Variants in LDB2 observed in about 807,000 individuals in gnomAD.
LDB2 encodes the protein LIM domain binding 2, also known as LIM domain-binding protein 2.
A neutral mutation model predicts 44.3 loss-of-function variants in LDB2; 12 were observed. The ratio of observed to expected loss-of-function variants is 0.27; its 90% confidence interval spans 0.17 to 0.44. The LOEUF is 0.44. Ranked by LOEUF, LDB2 falls within the 20% of genes least tolerant of loss-of-function variation. The pLI, the probability that LDB2 is intolerant of heterozygous loss-of-function variation, is 1.00. For synonymous variants in LDB2, 164 were observed against 174.8 expected (o/e 0.94, Z 0.49); for missense variants, 344 against 473.5 (o/e 0.73, Z 2.54).
chr4:16,605,599 G>A lies in LDB2; in HGVS notation c.236-9724C>T, dbSNP rs903401560. 2.6e-5 allele frequency among the ~76,000 whole-genome samples: 4 copies of A among 152,206 alleles called. 1 individual carries two copies. The South Asian group carries it at 6.2e-4, about 24-fold the overall frequency. On this transcript the variant is annotated intron_variant, in intron 2 of 7. Coordinates refer to ENST00000304523, the MANE Select transcript of LDB2 (RefSeq NM_001290.5). ...TTATCAAACTCCCTTTTAGCTCAGT[G>A]CTGTCTTATGACAGAGTTGTGGCCA...
Position 16,582,079 on chromosome 4 carries a change from T to C in LDB2, c.615+3843A>G, listed in dbSNP as rs1219755454. Among the ~76,000 whole-genome samples, 2 of 151,860 alleles carry C rather than the reference T, an allele frequency of 1.3e-5. No individual in the cohort carries two copies. Among genetic ancestry groups the C allele is most frequent in the Non-Finnish European group, 2.9e-5 (2 of 67,972 alleles). On this transcript the variant is annotated intron_variant, in intron 5 of 7. Transcript: ENST00000304523. This position sits in a 1 kb window ranked among gnomAD's most constrained non-coding sequence, Gnocchi z 4.8. Reference sequence around the variant, plus strand: ...AGAAAGTAAGTCCCTGCAAAGCATATAGCAGCAATGCCTGGCACATAGTAA... The same window carrying C: ...AGAAAGTAAGTCCCTGCAAAGCATACAGCAGCAATGCCTGGCACATAGTAA...
At chr4:16,828,614 C>T (rs1271744534) in intron 1 of LDB2, among the ~76,000 whole-genome samples, 2 of 152,146 alleles carry the variant, frequency 1.3e-5, no homozygotes, top group African/African-American at 4.8e-5. Flanking sequence ...AGAGTTTGGA[C>T]ACCTATCATG....
chr4:16,790,281 C>T (rs1293917043), intron 1 of LDB2, among the ~76,000 whole-genome samples: 3 of 152,186 alleles, frequency 2.0e-5, no homozygotes, highest in South Asian at 2.1e-4. Flanking sequence ...AAACTCAGGT[C>T]TGCATGCCCT....
intron 1 of LDB2, among the ~76,000 whole-genome samples, chr4:16,848,700 A>G (rs759050417): frequency 2.0e-5 from 3 of 152,204 alleles, no homozygotes; most frequent in Non-Finnish European, 2.9e-5. Context: ...TCAGTAAATA[A>G]TAGCAATATC....
chr4:16,686,688 CA>C (rs1204598009), intron 2 of LDB2, among the ~76,000 whole-genome samples: 1 of 152,186 alleles, frequency 6.6e-6, no homozygotes, highest in African/African-American at 2.4e-5. Context: ...GACATGGTTA[CA>C]GAGCCTAGGA....
chr4:16,692,570 T>TC (rs1751047730), intron 2 of LDB2, among the ~76,000 whole-genome samples: 1 of 152,128 alleles, frequency 6.6e-6, no homozygotes, highest in African/African-American at 2.4e-5. Flanking sequence ...ACTTTTTTTT[T>TC]CCTCTTCTTT....
At chr4:16,586,527 AAACACACAC>A (rs1717004849) in intron 4 of LDB2, among the ~76,000 whole-genome samples, 3 of 67,200 alleles carry the variant, frequency 4.5e-5, no homozygotes, top group East Asian at 4.5e-4. Context: ...CACACACACA[AAACACACAC>A]ACACACACAC....
intron 5 of LDB2, among the ~76,000 whole-genome samples, chr4:16,536,932 T>C (rs1352674126): frequency 6.6e-6 from 1 of 152,236 alleles, no homozygotes; most frequent in Non-Finnish European, 1.5e-5. Flanking sequence ...CAGGATGATG[T>C]AAATGAAGTG....
intron 1 of LDB2, among the ~76,000 whole-genome samples, chr4:16,883,415 G>A (rs749598584): frequency 2.0e-5 from 3 of 152,208 alleles, no homozygotes; most frequent in Non-Finnish European, 2.9e-5. Flanking sequence ...AAGAAGGTAC[G>A]AGAAAGATTC....
At chr4:16,709,617 A>G (rs563925079) in intron 2 of LDB2, among the ~76,000 whole-genome samples, 13 of 152,314 alleles carry the variant, frequency 8.5e-5, no homozygotes, top group African/African-American at 2.9e-4. Flanking sequence ...GGCTTGCAAA[A>G]GTGTTTTGTT....
At chr4:16,794,226 A>G (rs1225932537) in intron 1 of LDB2, among the ~76,000 whole-genome samples, 1 of 151,802 alleles carries the variant, frequency 6.6e-6, no homozygotes, top group Admixed American at 6.6e-5. Flanking sequence ...TTTGGTTTAC[A>G]CCCCCTAAAA....
intron 1 of LDB2, among the ~76,000 whole-genome samples, chr4:16,865,706 G>A (rs1019592597): frequency 5.9e-5 from 9 of 152,194 alleles, no homozygotes; most frequent in Non-Finnish European, 1.2e-4. Flanking sequence ...GCACGTGGCT[G>A]TCTACAGTCA....
At chr4:16,828,469 T>G (rs1188159679) in intron 1 of LDB2, among the ~76,000 whole-genome samples, 1 of 152,196 alleles carries the variant, frequency 6.6e-6, no homozygotes, top group Non-Finnish European at 1.5e-5. Context: ...GCCCATAATC[T>G]GTAACCCCTC....
chr4:16,721,162 T>G (rs1758191886), intron 2 of LDB2, among the ~76,000 whole-genome samples: 1 of 152,228 alleles, frequency 6.6e-6, no homozygotes, highest in South Asian at 2.1e-4. Context: ...ATGCTTGGAC[T>G]GTTTGTAAAA....
At chr4:16,674,233 G>A (rs1745661675) in intron 2 of LDB2, 1 of 1,288,700 alleles carries the variant, frequency 7.8e-7, no homozygotes, top group Non-Finnish European at 1.0e-6. Context: ...TACATGATAG[G>A]AAATTGTAAT....
rs113053444 is a variant in LDB2 at position 16,646,638 on chromosome 4, G to A, written c.236-50763C>T. ...CCTACCAATCCTAGCAGGGACCGGCGGAGTTACAGCTGACTTGCAGATTTA... is the reference window on the plus strand; with the variant it reads ...CCTACCAATCCTAGCAGGGACCGGCAGAGTTACAGCTGACTTGCAGATTTA... On this transcript the variant is annotated intron_variant, in intron 2 of 7. Transcript: ENST00000304523. 8.5e-3 allele frequency among the ~76,000 whole-genome samples: 1,295 copies of A among 152,244 alleles called. 16 individuals carry two copies. Among genetic ancestry groups the A allele is most frequent in the African/African-American group, 0.029 (1,221 of 41,522 alleles).
chr4:16,853,865 T>C (rs931333924), intron 1 of LDB2, among the ~76,000 whole-genome samples: 3 of 152,106 alleles, frequency 2.0e-5, no homozygotes, highest in African/African-American at 4.8e-5. Flanking sequence ...CAATGTGAAA[T>C]AAGCCAGATA....
At chr4:16,671,128 A>AC (rs1261101671) in intron 2 of LDB2, among the ~76,000 whole-genome samples, 1 of 151,852 alleles carries the variant, frequency 6.6e-6, no homozygotes, top group Non-Finnish European at 1.5e-5. Flanking sequence ...AAACAAAAAA[A>AC]ACAAGTGCTT....
chr4:16,837,855 A>G (rs1305197664), intron 1 of LDB2, among the ~76,000 whole-genome samples: 1 of 152,382 alleles, frequency 6.6e-6, no homozygotes, highest in East Asian at 1.9e-4. Context: ...TAGGCAGGAA[A>G]GTATCATTTA....
Sources: allele counts gnomAD v4.1 joint callset (sites outside exome capture counted in the v4.1 genomes callset), GRCh38; gene constraint gnomAD v4.1.1; non-coding constraint Gnocchi (gnomAD v3.1); transcripts MANE v1.5; gene names NCBI Gene and HGNC (gene_info 2026-07-23, HGNC 2026-07-21).